The following STIL variants were observed in gnomAD, a reference collection of about 807,000 sequenced individuals.
STIL encodes the protein STIL centriolar assembly protein, also known as SCL-interrupting locus protein.
STIL carries 55 observed loss-of-function variants against 110.1 expected under a neutral mutation model. The ratio of observed to expected loss-of-function variants is 0.50; its 90% CI spans 0.40 to 0.63. STIL has a LOEUF of 0.63. STIL is among the 20% of genes least tolerant of loss of function. The pLI, the probability that STIL is intolerant of heterozygous loss-of-function variation, is 0.00. For missense variants in STIL, 1,358 were observed against 1,530.0 expected (o/e 0.89, Z 1.87); for synonymous variants, 481 against 530.0 (o/e 0.91, Z 1.27).
At chr1:47,297,343 C>CAA (rs34222408) in intron 6 of STIL, among the ~76,000 whole-genome samples, 220 of 143,418 alleles carry the variant, frequency 1.5e-3, no homozygotes, top group African/African-American at 2.3e-3. Context: ...GACTCCATCT[C>CAA]AAAAAAAAAA....
At chr1:47,284,109 G>A in intron 10 of STIL, 1 of 152,340 alleles carries the variant, frequency 6.6e-6, no homozygotes, top group Non-Finnish European at 1.5e-5. Context: ...TGTTGGTCAG[G>A]CTGGTCTTGA....
chr1:47,276,369 TAAGAC>T (rs1284966629), intron 12 of STIL, among the ~76,000 whole-genome samples: 4 of 151,948 alleles, frequency 2.6e-5, no homozygotes, highest in Non-Finnish European at 5.9e-5. Context: ...GCAAAACACT[TAAGAC>T]TAACTGTAAG....
intron 10 of STIL, among the ~76,000 whole-genome samples, chr1:47,284,794 G>A (rs1395028755): frequency 5.3e-5 from 8 of 151,996 alleles, no homozygotes; most frequent in Admixed American, 1.3e-4. Context: ...GGAGGCTGAA[G>A]CAGGAGAATT....
At position 47,251,027 on chromosome 1, in the gene STIL, G is replaced by GA; in HGVS notation, c.*108dup. 1.8e-6 allele frequency: 2 copies of GA among 1,122,568 alleles called. No individual in the cohort carries two copies. The highest frequency in any genetic ancestry group is 3.1e-5 in the South Asian group (2 of 64,722). 69.5% of individuals were successfully genotyped at this position (1,122,568 alleles called of 1,614,324 possible). On this transcript the variant is annotated 3_prime_UTR_variant, in exon 17 of 17. Coordinates refer to ENST00000371877, the MANE Select transcript of STIL (RefSeq NM_001048166.1). ...ACTCTTCCCAATTGGCTGCTACCAA[G>GA]AAACAGTGACTCCAGAATGATCAGG... is the stretch of plus-strand genomic sequence containing the variant.
rs762631606 is a variant in STIL, at chr1:47,299,878, A to G, written c.701+27T>C. On this transcript the variant is annotated intron_variant, in intron 6 of 16. Coordinates refer to ENST00000371877, the MANE Select transcript of STIL (RefSeq NM_001048166.1). ...CTGAAAATATACTAATGCAACTAAC[A>G]TTTAGATTAATGTATCTTTTACTTA... 6.2e-6 allele frequency: 10 copies of G among 1,603,390 alleles called. No individual in the cohort carries two copies. In the South Asian group the frequency reaches 1.1e-4, roughly 18 times the overall value.
At chr1:47,255,580 T>A (rs948092764) in intron 16 of STIL, among the ~76,000 whole-genome samples, 34 of 150,648 alleles carry the variant, frequency 2.3e-4, no homozygotes, top group African/African-American at 7.8e-4. Context: ...TCAACTTTGA[T>A]TCATGATCCT....
intron 8 of STIL, among the ~76,000 whole-genome samples, chr1:47,290,364 T>C (rs1645445810): frequency 6.6e-6 from 1 of 152,212 alleles, no homozygotes; most frequent in Non-Finnish European, 1.5e-5. Flanking sequence ...TCTCTATGTA[T>C]TTTACATTAT....
At position 47,251,478 on chromosome 1, in the gene STIL, G is replaced by A. The variant is rs373488188; in HGVS notation, c.3525C>T (p.Asp1175=). ...AGTTAGAACAATTAATTATTTCATG[G>A]TCATTCTTAGAAGGCTCTTTCTGAC... The part of the protein sequence containing the change: ...LGGQKEPSKN[D]HEIINCSNCE... Residue 1175 remains aspartate, a synonymous_variant, in exon 17 of 17, where the codon GAC becomes GAT. Transcript: ENST00000371877. 14 of 1,614,060 alleles carry A rather than the reference G, an allele frequency of 8.7e-6. No individual in the cohort carries two copies. In the African/African-American group the frequency reaches 1.9e-4, roughly 22 times the overall value.
rs545797279 is a variant in STIL at position 47,282,421 on chromosome 1, T to C, written c.1172A>G (p.His391Arg). The C allele has an allele frequency of 9.5e-5, 154 of 1,613,114 alleles. 3 individuals carry two copies. In the South Asian group the frequency reaches 1.0e-3, roughly 11 times the overall value. Reference protein sequence around the residue: ...QKLSSGKMPIHDHDSGVEDED... With the variant: ...QKLSSGKMPIRDHDSGVEDED... ...ATCTTCAACACCAGAGTCGTGATCA[T>C]GTATTGGCATCTTCCCAGAAGATAA... The change falls in exon 11 of 17, where the codon CAT (histidine) becomes CGT (arginine). Residue 391 changes from histidine (H) to arginine (R), a missense_variant. Coordinates refer to ENST00000371877, the MANE Select transcript of STIL (RefSeq NM_001048166.1).
chr1:47,274,235 CT>C (rs1396551127), intron 12 of STIL, among the ~76,000 whole-genome samples: 12 of 152,296 alleles, frequency 7.9e-5, no homozygotes, highest in Admixed American at 4.6e-4. Flanking sequence ...CACTCAGGTC[CT>C]AAAATTGATC....
chr1:47,272,131 T>C lies in STIL; in HGVS notation c.2328A>G (p.Ala776=), dbSNP rs1644860395. ...TCATGTGCAAGCCAGGGGAAGACTG[T>C]GCTTCCACAGAAACCAACTCCATTT... The part of the protein sequence containing the change: ...GRQMELVSVE[A]QSSPGLHMRK... Residue 776 remains alanine (A), a synonymous_variant, in exon 13 of 17, where the codon GCA becomes GCG. Coordinates refer to ENST00000371877, the MANE Select transcript of STIL (RefSeq NM_001048166.1). 1 of 1,614,206 alleles carries C rather than the reference T, an allele frequency of 6.2e-7. No homozygotes were observed. The highest frequency in any genetic ancestry group is 8.5e-7 in the Non-Finnish European group (1 of 1,180,032).
chr1:47,298,272 G>A (rs957765599), intron 6 of STIL, among the ~76,000 whole-genome samples: 1 of 152,198 alleles, frequency 6.6e-6, no homozygotes, highest in African/African-American at 2.4e-5. Flanking sequence ...GCAGTCTCTG[G>A]TCAAACTTTA....
At chr1:47,297,205 G>A (rs749618225) in intron 6 of STIL, among the ~76,000 whole-genome samples, 1 of 151,906 alleles carries the variant, frequency 6.6e-6, no homozygotes, top group Non-Finnish European at 1.5e-5. Flanking sequence ...AGCCAGGCAT[G>A]GTGACGGGCG....
chr1:47,284,346 A>T (rs1330443812), intron 10 of STIL, among the ~76,000 whole-genome samples: 1 of 152,212 alleles, frequency 6.6e-6, no homozygotes, highest in African/African-American at 2.4e-5. Flanking sequence ...ATGGAAAATA[A>T]ACAAGGTTTT....
At chr1:47,265,392 TA>T (rs781279690) in intron 14 of STIL, among the ~76,000 whole-genome samples, 2 of 152,148 alleles carry the variant, frequency 1.3e-5, no homozygotes, top group Non-Finnish European at 2.9e-5. Context: ...TCAGTTTCTA[TA>T]ATTATTCTAA....
chr1:47,303,302 T>A (rs997370408), intron 3 of STIL, among the ~76,000 whole-genome samples: 1 of 152,198 alleles, frequency 6.6e-6, no homozygotes, highest in Non-Finnish European at 1.5e-5. Context: ...TGGTGGCACA[T>A]GCCTGTAATC....
chr1:47,251,295 T>C lies in STIL; in HGVS notation c.3708A>G (p.Ala1236=), dbSNP rs1471058994. Residue 1236 remains alanine, a synonymous_variant, in exon 17 of 17, where the codon GCA becomes GCG. Transcript: ENST00000371877. ...SPAVNLRTGK[A]EFTQHPEKEN... ...CTTTCTCAGGATGTTGAGTGAACTC[T>C]GCTTTCCCGGTTCGAAGGTTCACTG... is the stretch of plus-strand genomic sequence containing the variant. 1.1e-5 allele frequency: 17 copies of C among 1,613,808 alleles called. No individual in the cohort carries two copies. Among genetic ancestry groups the C allele is most frequent in the Non-Finnish European group, 1.4e-5 (17 of 1,179,772 alleles).
intron 13 of STIL, 63 bp downstream of exon 13, chr1:47,272,013 A>G (rs1342350977): frequency 6.4e-7 from 1 of 1,566,558 alleles, no homozygotes; most frequent in Non-Finnish European, 8.7e-7. Flanking sequence ...ATAAAATTCA[A>G]AAACCAGATA....
At position 47,251,407 on chromosome 1, in the gene STIL, A is replaced by G. The variant is rs201051399; in HGVS notation, c.3596T>C (p.Ile1199Thr). 90 of 1,614,048 alleles carry G rather than the reference A, an allele frequency of 5.6e-5. 1 individual carries two copies. Among genetic ancestry groups the G allele is most frequent in the South Asian group, 4.4e-5 (4 of 91,086 alleles). The change falls in exon 17 of 17, where the codon ATT (isoleucine) becomes ACT (threonine). Residue 1199 changes from isoleucine to threonine, a missense_variant. Coordinates refer to ENST00000371877, the MANE Select transcript of STIL (RefSeq NM_001048166.1). The part of the protein sequence containing the change: ...TNADTPVLRN[I>T]TNEVLQTKAK... ...TTTTGTCTGCAAAACTTCATTTGTA[A>G]TATTTCTCAATACTGGCGTATCTGC...
Sources: gnomAD v4.1 joint callset for allele counts (sites outside exome capture counted in the v4.1 genomes callset) on GRCh38, gnomAD v4.1.1 for gene constraint, MANE v1.5 for transcripts, NCBI Gene and HGNC (gene_info 2026-07-23, HGNC 2026-07-21) for gene names.